The following MBD5 variants were observed in gnomAD, a reference collection of about 807,000 sequenced individuals.
MBD5 encodes the protein methyl-CpG binding domain protein 5, also known as methyl-CpG-binding domain protein 5.
A neutral mutation model predicts 117.3 loss-of-function variants in MBD5; 13 were observed. That is an observed-to-expected ratio of 0.11 (90% CI 0.07 to 0.18). MBD5 has a LOEUF of 0.18. Ranked by LOEUF, MBD5 falls within the 10% of genes least tolerant of loss-of-function variation. The pLI, the probability that MBD5 is intolerant of heterozygous loss-of-function variation, is 1.00. For missense variants in MBD5, 1,879 were observed against 2,093.8 expected (o/e 0.90, Z 2.00); for synonymous variants, 727 against 766.4 (o/e 0.95, Z 0.85).
chr2:148,478,104 A>G (rs1681029601), intron 8 of MBD5, among the ~76,000 whole-genome samples: 1 of 152,204 alleles, frequency 6.6e-6, no homozygotes, highest in African/African-American at 2.4e-5. Context: ...AGAGAAACGA[A>G]TCAAAAGAGG....
At chr2:148,486,372 G>A (rs1384129811) in intron 10 of MBD5, among the ~76,000 whole-genome samples, 3 of 152,094 alleles carry the variant, frequency 2.0e-5, no homozygotes, top group African/African-American at 7.2e-5. Context: ...GGAGGTAGGT[G>A]GAAAGGGTAA....
chr2:148,448,779 ACAT>A (rs1196976848), intron 4 of MBD5, among the ~76,000 whole-genome samples: 1 of 152,106 alleles, frequency 6.6e-6, no homozygotes, highest in Non-Finnish European at 1.5e-5. Context: ...AAATTGATAT[ACAT>A]CATTTTTCAA....
At chr2:148,233,904 C>T (rs1700041150) in intron 3 of MBD5, among the ~76,000 whole-genome samples, 1 of 152,154 alleles carries the variant, frequency 6.6e-6, no homozygotes, top group African/African-American at 2.4e-5. Flanking sequence ...AAAACTCTCA[C>T]AGCTTTACAT....
chr2:148,364,527 C>T (rs955512170), intron 4 of MBD5, among the ~76,000 whole-genome samples: 3 of 151,992 alleles, frequency 2.0e-5, no homozygotes, highest in Admixed American at 6.6e-5. Flanking sequence ...GTTAAATGCC[C>T]CAATTAGACA....
intron 1 of MBD5, among the ~76,000 whole-genome samples, chr2:148,074,507 G>GTTTTTTTTTTTTTTTTTTTTTTTT (rs11443189): frequency 6.2e-5 from 7 of 113,772 alleles, no homozygotes; most frequent in East Asian, 2.5e-4. Flanking sequence ...TTTTTTTTTT[G>GTTTTTTTTTTTTTTTTTTTTTTTT]TTTTTTTTTT....
chr2:148,392,913 G>GAAAGATTTATTTTC (rs1453441984), intron 4 of MBD5, among the ~76,000 whole-genome samples: 1 of 152,046 alleles, frequency 6.6e-6, no homozygotes, highest in Non-Finnish European at 1.5e-5. Context: ...TGGTTACAAT[G>GAAAGATTTATTTTC]AAAGATTTAT....
intron 3 of MBD5, among the ~76,000 whole-genome samples, chr2:148,314,268 A>G (rs962227263): frequency 1.3e-5 from 2 of 152,018 alleles, no homozygotes; most frequent in Admixed American, 1.3e-4. Context: ...TGGCAAAAGG[A>G]AATTTTTTTT....
intron 4 of MBD5, among the ~76,000 whole-genome samples, chr2:148,402,291 T>A (rs184167717): frequency 6.6e-6 from 1 of 152,222 alleles, no homozygotes; most frequent in Admixed American, 6.5e-5. Context: ...TATAACAGAG[T>A]TTTTTTATTT....
Position 148,469,687 on chromosome 2 carries a change from G to A in MBD5, c.1744G>A (p.Ala582Thr). The change falls in exon 8 of 14, where the codon GCA (alanine) becomes ACA (threonine). Residue 582 changes from alanine (A) to threonine (T), a missense_variant. Physicochemically the swap from Ala to Thr is moderately conservative, Grantham distance 58. This residue lies in a region of MBD5 where 1,666 missense variants were observed against 1,792.2 expected (regional missense o/e 0.93). Coordinates refer to ENST00000642680, the MANE Select transcript of MBD5 (RefSeq NM_001378120.1). Reference sequence around the variant, plus strand: ...CTTTCCAGCAAGTAGTTTACTCTCAGCAGCAGCCAAAGCACAGCTAGCAAA... The same window carrying A: ...CTTTCCAGCAAGTAGTTTACTCTCAACAGCAGCCAAAGCACAGCTAGCAAA... ...ASFPASSLLS[A>T]AAKAQLANQN... The A allele has an allele frequency of 6.2e-7, 1 of 1,613,940 alleles. No homozygotes were observed. Among genetic ancestry groups the A allele is most frequent in the Non-Finnish European group, 8.5e-7 (1 of 1,179,896 alleles).
chr2:148,415,293 C>T (rs1267771570), intron 4 of MBD5, among the ~76,000 whole-genome samples: 2 of 151,798 alleles, frequency 1.3e-5, no homozygotes, highest in African/African-American at 2.4e-5. Context: ...GAATATAAGC[C>T]CCCAGTCTCT....
intron 12 of MBD5, among the ~76,000 whole-genome samples, chr2:148,507,483 G>C (rs540673272): frequency 2.8e-4 from 42 of 152,278 alleles, no homozygotes; most frequent in South Asian, 6.2e-4. Context: ...ACTTGGGCCG[G>C]GCGCGGTGGC....
At chr2:148,044,494 C>T (rs1263077254) in intron 1 of MBD5, 3 of 152,136 alleles carry the variant, frequency 2.0e-5, no homozygotes, top group Admixed American at 1.3e-4. Flanking sequence ...TCAACTTTCT[C>T]ATCAAATGTG....
At chr2:148,295,167 C>T (rs79759700) in intron 3 of MBD5, among the ~76,000 whole-genome samples, 18,147 of 152,148 alleles carry the variant, frequency 0.12, 1,425 homozygotes, top group Non-Finnish European at 0.18. Flanking sequence ...TCTGGTACCC[C>T]TCTTATGCAT....
chr2:148,414,856 T>C (rs1705372175), intron 4 of MBD5, among the ~76,000 whole-genome samples: 1 of 152,158 alleles, frequency 6.6e-6, no homozygotes, highest in Non-Finnish European at 1.5e-5. Context: ...ATGGGTATCA[T>C]TGCTTGTGAG....
At chr2:148,361,485 C>T (rs1359186794) in intron 4 of MBD5, among the ~76,000 whole-genome samples, 1 of 152,146 alleles carries the variant, frequency 6.6e-6, no homozygotes, top group East Asian at 1.9e-4. Context: ...TGTTGCAGAG[C>T]CATTTTTAAA....
intron 1 of MBD5, among the ~76,000 whole-genome samples, chr2:148,080,932 G>C (rs1258777417): frequency 6.6e-6 from 1 of 152,026 alleles, no homozygotes; most frequent in Non-Finnish European, 1.5e-5. Flanking sequence ...ATGATGAGAA[G>C]AATAAATACG....
chr2:148,180,695 A>T (rs1339752879), intron 2 of MBD5, among the ~76,000 whole-genome samples: 2 of 151,858 alleles, frequency 1.3e-5, no homozygotes. Context: ...CTCGCCCGGC[A>T]TCTTTTTTTT....
chr2:148,074,488 T>G (rs994193851), intron 1 of MBD5, among the ~76,000 whole-genome samples: 15 of 134,366 alleles, frequency 1.1e-4, no homozygotes, highest in African/African-American at 4.0e-4. Flanking sequence ...TAGTTTGTTT[T>G]TTTTTTGTTT....
At chr2:148,177,008 A>G (rs138305317) in intron 1 of MBD5, among the ~76,000 whole-genome samples, 6 of 152,256 alleles carry the variant, frequency 3.9e-5, no homozygotes, top group Non-Finnish European at 5.9e-5. Context: ...TTGATTGTCT[A>G]CCTACACAGT....
Sources: allele counts gnomAD v4.1 joint callset (sites outside exome capture counted in the v4.1 genomes callset), GRCh38; gene constraint gnomAD v4.1.1; regional missense constraint gnomAD v4.1.1; transcripts MANE v1.5; gene names NCBI Gene and HGNC (gene_info 2026-07-23, HGNC 2026-07-21).